The following GOLGA3 variants were observed in gnomAD, a reference collection of about 807,000 sequenced individuals.
GOLGA3 encodes golgin A3, also known as golgin subfamily A member 3.
In GOLGA3, 75 loss-of-function variants were observed where a neutral mutation model predicts 169.4. That is an observed-to-expected ratio of 0.44 (90% confidence interval 0.37 to 0.54). The LOEUF (loss-of-function observed/expected upper bound fraction) is 0.54. GOLGA3 is among the 20% of genes least tolerant of loss of function. The pLI is 0.00. For synonymous variants in GOLGA3, 824 were observed against 822.4 expected (o/e 1.00, Z -0.03); for missense variants, 1,899 against 1,930.0 (o/e 0.98, Z 0.30).
chr12:132,797,207 G>A (rs1327184437), intron 9 of GOLGA3, among the ~76,000 whole-genome samples: 1 of 152,110 alleles, frequency 6.6e-6, no homozygotes, highest in Non-Finnish European at 1.5e-5. Context: ...ATCCCAGCCG[G>A]GCAGCCCAGC....
chr12:132,776,760 AAG>A lies in GOLGA3; in HGVS notation c.3856-6_3856-5del, dbSNP rs758226015. On this transcript the variant is annotated splice_polypyrimidine_tract_variant and splice_region_variant and intron_variant, in intron 20 of 23. Coordinates refer to ENST00000450791, the MANE Select transcript of GOLGA3 (RefSeq NM_001389683.1). ...CCTCCCATTTGAGATTTTCCATCTA[AAG>A]AGGGGAAAGTCACATGGCCAAAAGA... 6.2e-7 allele frequency: 1 copy of A among 1,613,804 alleles called. No individual in the cohort carries two copies. Among genetic ancestry groups the A allele is most frequent in the Admixed American group, 1.7e-5 (1 of 59,984 alleles).
At chr12:132,818,544 G>A (rs1234428581) in intron 2 of GOLGA3, among the ~76,000 whole-genome samples, 34 of 152,292 alleles carry the variant, frequency 2.2e-4, no homozygotes, top group South Asian at 2.1e-4. Context: ...GTGAGCCACC[G>A]CACCCAGCCA....
At chr12:132,789,794 G>GAAATAAAATAC (rs1427979897) in intron 12 of GOLGA3, among the ~76,000 whole-genome samples, 110 of 152,136 alleles carry the variant, frequency 7.2e-4, no homozygotes, top group Middle Eastern at 3.4e-3. Flanking sequence ...AGCACTCTGG[G>GAAATAAAATAC]AGCCCGAGCT....
chr12:132,784,029 G>A (rs2045759890), intron 16 of GOLGA3, 135 bp downstream of exon 16: 2 of 1,528,098 alleles, frequency 1.3e-6, no homozygotes, highest in Admixed American at 3.9e-5. Context: ...CCGACGGTCA[G>A]AAGGTGGCAA....
chr12:132,775,394 A>G (rs757342536), intron 21 of GOLGA3, 89 bp from the exon 22 acceptor site: 7 of 1,139,298 alleles, frequency 6.1e-6, no homozygotes, highest in Non-Finnish European at 8.8e-6. Context: ...GGTTAAGCAC[A>G]CACATGTCCT....
chr12:132,826,240 C>CAAAAAAAA, intron 1 of GOLGA3: 1 of 727,626 alleles, frequency 1.4e-6, no homozygotes, highest in Non-Finnish European at 1.9e-6. Flanking sequence ...TCTCATTCTC[C>CAAAAAAAA]AAAAAAAAAA....
At chr12:132,779,375 A>G (rs1292736871) in intron 18 of GOLGA3, among the ~76,000 whole-genome samples, 1 of 152,198 alleles carries the variant, frequency 6.6e-6, no homozygotes, top group Non-Finnish European at 1.5e-5. Flanking sequence ...CACCGCGCCC[A>G]GCCACCTGCC....
At chr12:132,816,504 G>C in intron 3 of GOLGA3, 36 bp downstream of exon 3, 2 of 1,601,650 alleles carry the variant, frequency 1.2e-6, no homozygotes, top group Non-Finnish European at 1.7e-6. Context: ...CGACGCGGAC[G>C]TGGAGGGTGG....
intron 1 of GOLGA3, chr12:132,826,314 AGAAG>A (rs1950415641): frequency 5.7e-6 from 4 of 704,560 alleles, no homozygotes; most frequent in East Asian, 2.7e-5. Flanking sequence ...CCACCTGAAC[AGAAG>A]GAAGGATGGG....
In GOLGA3 at chr12:132,801,897, A is replaced by T; in HGVS notation, c.1670T>A (p.Leu557Gln). Residue 557 changes from leucine to glutamine, a missense_variant, in exon 8 of 24, where the codon CTG becomes CAG. Leu to Gln is a moderately radical substitution (Grantham distance 113). Transcript: ENST00000450791. The stretch of plus-strand genomic sequence containing the variant: ...CTGCGACGCCTTCAGCTTGCTGGTC[A>T]GCGTCGTCCGCTCCAGCTGCACCTG... ...LQQVQLERTT[L>Q]TSKLKASQAE... 6.2e-7 allele frequency: 1 copy of T among 1,603,052 alleles called. No homozygotes were observed. Among genetic ancestry groups the T allele is most frequent in the Non-Finnish European group, 8.5e-7 (1 of 1,179,912 alleles).
rs1485034785 is a variant in GOLGA3, at chr12:132,796,696, T to C, written c.1943A>G (p.Asp648Gly). 6.2e-7 allele frequency: 1 copy of C among 1,613,642 alleles called. No individual in the cohort carries two copies. The highest frequency in any genetic ancestry group is 1.1e-5 in the South Asian group (1 of 91,078). Residue 648 changes from aspartate (D) to glycine (G), a missense_variant, in exon 10 of 24, where the codon GAC becomes GGC. Physicochemically the swap from Asp to Gly is moderately conservative, Grantham distance 94 (BLOSUM62 -1). Transcript: ENST00000450791. Reference protein sequence around the residue: ...IAAQLQGIEADMLDQEAAFMQ... With the variant: ...IAAQLQGIEAGMLDQEAAFMQ... ...GAAGGCTGCTTCCTGATCCAACATG[T>C]CAGCCTGAGCCCAGGAAACTTGTTT...
chr12:132,806,250 T>C (rs904365221), intron 6 of GOLGA3, among the ~76,000 whole-genome samples: 4 of 152,076 alleles, frequency 2.6e-5, no homozygotes, highest in Non-Finnish European at 2.9e-5. Flanking sequence ...TCAGTGATCC[T>C]AAGAGGATAA....
intron 7 of GOLGA3, 83 bp from the exon 8 acceptor site, chr12:132,802,052 G>A (rs933177792): frequency 1.4e-5 from 14 of 1,028,106 alleles, no homozygotes; most frequent in Admixed American, 2.0e-5. Context: ...GACACAAGGC[G>A]GGACTCTCAG....
At chr12:132,820,829 G>C (rs1442334725) in intron 2 of GOLGA3, among the ~76,000 whole-genome samples, 1 of 152,182 alleles carries the variant, frequency 6.6e-6, no homozygotes, top group African/African-American at 2.4e-5. Flanking sequence ...GCCAGGCACA[G>C]TGGCTCACTC....
At chr12:132,787,818 G>A (rs1440680342) in intron 13 of GOLGA3, among the ~76,000 whole-genome samples, 2 of 62,972 alleles carry the variant, frequency 3.2e-5, no homozygotes, top group African/African-American at 5.9e-5. Flanking sequence ...CGGAGACCCC[G>A]GGACCCCTCC....
chr12:132,782,575 C>G, intron 16 of GOLGA3, 82 bp from the exon 17 acceptor site: 1 of 1,140,580 alleles, frequency 8.8e-7, no homozygotes, highest in East Asian at 2.3e-5. Flanking sequence ...GAGTTTTCAA[C>G]AAGAAACAGC....
At chr12:132,824,304 G>A (rs1177839035) in intron 1 of GOLGA3, among the ~76,000 whole-genome samples, 1 of 152,208 alleles carries the variant, frequency 6.6e-6, no homozygotes, top group Non-Finnish European at 1.5e-5. Flanking sequence ...AGACCTGTGA[G>A]TATCTGCTCA....
upstream of GOLGA3, chr12:132,828,977 G>C (rs1677489963): frequency 2.0e-5 from 3 of 152,328 alleles, no homozygotes; most frequent in South Asian, 6.2e-4. Flanking sequence ...GGCCACCCTA[G>C]GGCCGGGGAC....
At chr12:132,828,702 C>CCCGCCGCCCCACGTCCGGCCT (rs144815736) in intron 1 of GOLGA3, 101 bp downstream of exon 1, 3 of 152,198 alleles carry the variant, frequency 2.0e-5, no homozygotes, top group Non-Finnish European at 4.4e-5. Context: ...GCGCCCAGGC[C>CCCGCCGCCCCACGTCCGGCCT]CCGCCGCCGC....
Sources: allele counts gnomAD v4.1 joint callset (sites outside exome capture counted in the v4.1 genomes callset), GRCh38; gene constraint gnomAD v4.1.1; transcripts MANE v1.5; gene names NCBI Gene and HGNC (gene_info 2026-07-23, HGNC 2026-07-21).